PCDH11X: variants seen among roughly 807,000 people sequenced by gnomAD.
PCDH11X encodes the protein protocadherin 11 X-linked.
PCDH11X carries 18 observed loss-of-function variants against 53.3 expected under a neutral mutation model. The ratio of observed to expected loss-of-function variants is 0.34; its 90% confidence interval spans 0.23 to 0.50. The LOEUF (loss-of-function observed/expected upper bound fraction) is 0.50. PCDH11X is among the 20% of genes least tolerant of loss of function. The probability of loss-of-function intolerance (pLI) is 0.98; values close to 1 mark genes in which losing one functional copy is unlikely to be tolerated. For synonymous variants in PCDH11X, 279 were observed against 393.3 expected (o/e 0.71, Z 3.44); for missense variants, 570 against 1,032.4 (o/e 0.55, Z 6.14).
At position 92,273,644 on chromosome X, in the gene PCDH11X, C is replaced by T. The variant is rs974692170; in HGVS notation, c.3144+10501C>T. ...CTGCTTCAAGCGGGATTAGGGGCGGCGTGGGAACCTAGAGTGGGAGAGATT... is the reference window on the plus strand; with the variant it reads ...CTGCTTCAAGCGGGATTAGGGGCGGTGTGGGAACCTAGAGTGGGAGAGATT... On this transcript the variant is annotated intron_variant, in intron 8 of 10. Coordinates refer to ENST00000682573, the MANE Select transcript of PCDH11X (RefSeq NM_032968.5). Among the ~76,000 whole-genome samples, 18 of 109,947 alleles carry T rather than the reference C, an allele frequency of 1.6e-4. 1 individual carries two copies. Among genetic ancestry groups the T allele is most frequent in the African/African-American group, 3.6e-4 (11 of 30,169 alleles).
intron 6 of PCDH11X, among the ~76,000 whole-genome samples, chrX:92,194,023 C>A (rs1314876862): frequency 8.9e-6 from 1 of 111,796 alleles, no homozygotes; most frequent in Non-Finnish European, 1.9e-5. Context: ...AAGAGACTCG[C>A]CCAGGTACTA....
chrX:91,854,954 A>C (rs138382713), intron 5 of PCDH11X, among the ~76,000 whole-genome samples: 1,145 of 111,015 alleles, frequency 0.01, 17 homozygotes, highest in African/African-American at 0.036. Flanking sequence ...TTGTCTCTTC[A>C]CTTTGTTTTT....
chrX:91,814,661 A>G (rs1936399439), intron 4 of PCDH11X, among the ~76,000 whole-genome samples: 1 of 92,245 alleles, frequency 1.1e-5, no homozygotes, highest in Non-Finnish European at 2.1e-5. Flanking sequence ...CATAATTGAG[A>G]TCCATTATGC....
At chrX:92,514,509 C>T (rs1569498362) in intron 10 of PCDH11X, among the ~76,000 whole-genome samples, 1 of 109,285 alleles carries the variant, frequency 9.2e-6, no homozygotes, top group Non-Finnish European at 1.9e-5. Flanking sequence ...GTGGGTGGAT[C>T]ACCTGAGGCC....
chrX:91,911,700 A>G (rs1027097343), intron 6 of PCDH11X, among the ~76,000 whole-genome samples: 2 of 110,958 alleles, frequency 1.8e-5, no homozygotes, highest in Non-Finnish European at 3.8e-5. Flanking sequence ...TAGCTCCCAT[A>G]AATAAGTGAG....
At chrX:92,026,462 T>A (rs1183851132) in intron 6 of PCDH11X, among the ~76,000 whole-genome samples, 1 of 109,984 alleles carries the variant, frequency 9.1e-6, no homozygotes, top group Admixed American at 9.8e-5. Flanking sequence ...ACTGGAGGAA[T>A]GTGTGGCTAA....
chrX:92,403,334 T>G (rs1458265174), intron 9 of PCDH11X, among the ~76,000 whole-genome samples: 1 of 75,942 alleles, frequency 1.3e-5, no homozygotes, highest in Non-Finnish European at 2.2e-5. Context: ...TTTACGTTTT[T>G]TTTTGTTTTT....
At chrX:92,201,624 T>G (rs2066393743) in intron 7 of PCDH11X, among the ~76,000 whole-genome samples, 169 bp downstream of exon 7, 1 of 111,900 alleles carries the variant, frequency 8.9e-6, no homozygotes, top group Admixed American at 9.6e-5. Flanking sequence ...AGTAAATAGA[T>G]ATCTTTTTAG....
chrX:92,025,071 A>C (rs977693404), intron 6 of PCDH11X, among the ~76,000 whole-genome samples: 2 of 111,958 alleles, frequency 1.8e-5, no homozygotes, highest in Non-Finnish European at 3.8e-5. Flanking sequence ...ATGGGCAAGG[A>C]CTTCATGATG....
At chrX:92,421,518 G>A (rs1372332398) in intron 9 of PCDH11X, among the ~76,000 whole-genome samples, 1 of 111,598 alleles carries the variant, frequency 9.0e-6, no homozygotes, top group Non-Finnish European at 1.9e-5. Context: ...CCATTGATGG[G>A]CATTTACGTT....
intron 1 of PCDH11X, among the ~76,000 whole-genome samples, chrX:91,801,815 G>C (rs1204147545): frequency 8.9e-6 from 1 of 112,043 alleles, no homozygotes; most frequent in Admixed American, 9.5e-5. Flanking sequence ...ATGACTCCCA[G>C]TCACACTTAG....
chrX:92,461,602 C>T (rs2073046357), intron 9 of PCDH11X, among the ~76,000 whole-genome samples: 1 of 112,011 alleles, frequency 8.9e-6, no homozygotes. Flanking sequence ...AACTATGAAA[C>T]TACTACAAGA....
intron 10 of PCDH11X, among the ~76,000 whole-genome samples, chrX:92,520,876 C>A (rs1016763464): frequency 3.0e-4 from 34 of 111,708 alleles, no homozygotes; most frequent in Non-Finnish European, 6.0e-4. Context: ...AAACCATTTT[C>A]TTTGCTCATC....
rs1279575981 is a variant in PCDH11X at position 91,885,316 on chromosome X, T to C, written c.3033+6043T>C. Among the ~76,000 whole-genome samples the C allele has an allele frequency of 2.7e-5, 3 of 111,948 alleles. No individual in the cohort carries two copies. In the Admixed American group the frequency reaches 2.9e-4, roughly 11 times the overall value. ...TTTATTCTTGATAAATATTTCAGTT[T>C]AGTTCAAATCATTCCAAGGAATGTA... is the stretch of plus-strand genomic sequence containing the variant. On this transcript the variant is annotated intron_variant, in intron 6 of 10. Coordinates refer to ENST00000682573, the MANE Select transcript of PCDH11X (RefSeq NM_032968.5).
intron 8 of PCDH11X, among the ~76,000 whole-genome samples, chrX:92,323,174 T>C (rs2069252778): frequency 1.8e-5 from 2 of 111,127 alleles, no homozygotes; most frequent in African/African-American, 6.5e-5. Context: ...TATGCTTATG[T>C]AAACAGAAAA....
intron 6 of PCDH11X, among the ~76,000 whole-genome samples, chrX:92,017,381 C>A (rs1422845448): frequency 9.1e-6 from 1 of 109,802 alleles, no homozygotes; most frequent in Admixed American, 9.8e-5. Context: ...TGAAAAAGAG[C>A]GCTGATCACA....
At chrX:92,412,986 A>T (rs1347939778) in intron 9 of PCDH11X, among the ~76,000 whole-genome samples, 1 of 101,591 alleles carries the variant, frequency 9.8e-6, no homozygotes, top group Non-Finnish European at 2.0e-5. Flanking sequence ...TAATTTATCT[A>T]ATTATGTTGC....
chrX:92,605,941 C>T (rs1296983940), intron 10 of PCDH11X, among the ~76,000 whole-genome samples: 1 of 110,543 alleles, frequency 9.0e-6, no homozygotes, highest in Non-Finnish European at 1.9e-5. Flanking sequence ...AAATAAGACG[C>T]TAATCTGGAG....
intron 8 of PCDH11X, among the ~76,000 whole-genome samples, chrX:92,271,684 T>A (rs1050759347): frequency 8.9e-6 from 1 of 112,444 alleles, no homozygotes; most frequent in Non-Finnish European, 1.9e-5. Context: ...CCTATTTTCC[T>A]GCTTCAATAT....
Sources: gnomAD v4.1 joint callset for allele counts (sites outside exome capture counted in the v4.1 genomes callset) on GRCh38, gnomAD v4.1.1 for gene constraint, MANE v1.5 for transcripts, NCBI Gene and HGNC (gene_info 2026-07-23, HGNC 2026-07-21) for gene names.